Variants in SHANK1 observed in about 807,000 individuals in gnomAD.
SHANK1 encodes the protein SH3 and multiple ankyrin repeat domains 1, also known as SH3 and multiple ankyrin repeat domains protein 1.
SHANK1 carries 35 observed loss-of-function variants against 165.6 expected under a neutral mutation model. That is an observed-to-expected ratio of 0.21 (90% CI 0.16 to 0.28). The LOEUF is 0.28. Ranked by LOEUF, SHANK1 falls within the 10% of genes least tolerant of loss-of-function variation. The pLI, the probability that SHANK1 is intolerant of heterozygous loss-of-function variation, is 1.00. For synonymous variants in SHANK1, 1,428 were observed against 1,384.8 expected (o/e 1.03, Z -0.69); for missense variants, 2,681 against 3,036.4 (o/e 0.88, Z 2.75).
rs1203205134 is a variant in SHANK1, at chr19:50,660,814, G to A, written c.*1151C>T. Among the ~76,000 whole-genome samples the A allele has an allele frequency of 1.3e-5, 2 of 150,514 alleles. No individual in the cohort carries two copies. Among genetic ancestry groups the A allele is most frequent in the South Asian group, 4.2e-4 (2 of 4,762 alleles). Reference sequence around the variant, plus strand: ...AGGGCAAAGATTTCAAACAGAAAGGGGCAAGGGAGTGGGAGCCTGGCAAAG... The same window carrying A: ...AGGGCAAAGATTTCAAACAGAAAGGAGCAAGGGAGTGGGAGCCTGGCAAAG... On this transcript the variant is annotated 3_prime_UTR_variant, in exon 24 of 24. Coordinates refer to ENST00000293441, the MANE Select transcript of SHANK1 (RefSeq NM_016148.5).
At position 50,686,799 on chromosome 19, in the gene SHANK1, C is replaced by T. The variant is rs1420736664; in HGVS notation, c.2403G>A (p.Gln801=). 6.2e-7 allele frequency: 1 copy of T among 1,613,802 alleles called. No homozygotes were observed. Among genetic ancestry groups the T allele is most frequent in the African/African-American group, 1.3e-5 (1 of 75,016 alleles). ...TCTCCATGCTGGGCACCGGCGCCGGCTGCTGCTCGTACTCTGTGGGCAAAG... is the reference window on the plus strand; with the variant it reads ...TCTCCATGCTGGGCACCGGCGCCGGTTGCTGCTCGTACTCTGTGGGCAAAG... ...SELEEMEYEQ[Q]PAPVPSMEKK... The change falls in exon 20 of 24, where the codon CAG becomes CAA. Residue 801 remains glutamine (Q), a synonymous_variant. Coordinates refer to ENST00000293441, the MANE Select transcript of SHANK1 (RefSeq NM_016148.5). The surrounding 1 kb of genome is among the most constrained non-coding windows in gnomAD (Gnocchi z 5.7).
rs1371113973 is a variant in SHANK1 at position 50,704,510 on chromosome 19, G to C, written c.1082C>G (p.Thr361Ser). 1 of 1,613,962 alleles carries C rather than the reference G, an allele frequency of 6.2e-7. No homozygotes were observed. Among genetic ancestry groups the C allele is most frequent in the East Asian group, 2.2e-5 (1 of 44,882 alleles). ...LHICALYNKE[T>S]CARILLYRGA... ...TCGATACAGGAGGATCCTGGCACAG[G>C]TCTCCTGCGGGTAATGGCCAGTGGC... Residue 361 changes from threonine (T) to serine (S), a missense_variant, in exon 9 of 24, where the codon ACC becomes AGC. Coordinates refer to ENST00000293441, the MANE Select transcript of SHANK1 (RefSeq NM_016148.5).
In SHANK1 at chr19:50,660,711, A is replaced by G. The variant is rs1441128824; in HGVS notation, c.*1254T>C. On this transcript the variant is annotated 3_prime_UTR_variant, in exon 24 of 24. Transcript: ENST00000293441. ...GGGAGAAACAAGGCTTCCGGAGAGC[A>G]CTGAAAATGCTGGGGGGGGGGGCGC... is the stretch of plus-strand genomic sequence containing the variant. Among the ~76,000 whole-genome samples, 2 of 115,192 alleles carry G rather than the reference A, an allele frequency of 1.7e-5. No homozygotes were observed. Among genetic ancestry groups the G allele is most frequent in the Admixed American group, 8.7e-5 (1 of 11,436 alleles). 75.6% of individuals were successfully genotyped at this position (115,192 alleles called of 152,430 possible).
intron 23 of SHANK1, among the ~76,000 whole-genome samples, chr19:50,664,418 C>T (rs748375141): frequency 4.4e-4 from 67 of 152,216 alleles, no homozygotes; most frequent in Non-Finnish European, 4.3e-4. Flanking sequence ...TATTTCCCCA[C>T]GTAGAAGTTG....
intron 21 of SHANK1, among the ~76,000 whole-genome samples, chr19:50,673,459 C>A (rs966784283): frequency 6.6e-6 from 1 of 152,160 alleles, no homozygotes; most frequent in Non-Finnish European, 1.5e-5. Flanking sequence ...CTCTCGGCAA[C>A]AGCTTTCCCT....
At position 50,687,640 on chromosome 19, in the gene SHANK1, C is replaced by T. The variant is rs1292697016; in HGVS notation, c.2331G>A (p.Leu777=). The change falls in exon 19 of 24, where the codon CTG becomes CTA. Residue 777 remains leucine (L), a synonymous_variant. Coordinates refer to ENST00000293441, the MANE Select transcript of SHANK1 (RefSeq NM_016148.5). ...HKKAPQQAKR[L]PPPTISLRSK... ...AACGCAGGGAGATGGTTGGGGGCGG[C>T]AGCCGCTTGGCCTGCTGGGGTGCTG... 3 of 1,516,664 alleles carry T rather than the reference C, an allele frequency of 2.0e-6. No individual in the cohort carries two copies. Among genetic ancestry groups the T allele is most frequent in the Middle Eastern group, 1.7e-4 (1 of 5,802 alleles). The allele number at this position is 1,516,664 out of a possible 1,614,324, so 94.0% of individuals were successfully genotyped here. A position where few individuals can be genotyped will look rare whatever the true frequency, so the allele number is the denominator to read the frequency against.
intron 19 of SHANK1, among the ~76,000 whole-genome samples, chr19:50,687,269 A>C (rs1235393495): frequency 2.7e-5 from 4 of 149,304 alleles, no homozygotes; most frequent in Non-Finnish European, 5.9e-5. Flanking sequence ...TGGTGGAGGG[A>C]GAGATGTTGA....
At chr19:50,671,284 C>T (rs1010760607) in intron 22 of SHANK1, among the ~76,000 whole-genome samples, 5 of 140,480 alleles carry the variant, frequency 3.6e-5, no homozygotes, top group Non-Finnish European at 6.1e-5. Context: ...TCCGGGTTCA[C>T]GCCATTCTCC....
At chr19:50,684,382 C>T (rs1027536459) in intron 21 of SHANK1, among the ~76,000 whole-genome samples, 2 of 152,178 alleles carry the variant, frequency 1.3e-5, no homozygotes, top group Middle Eastern at 3.2e-3. Context: ...CATGCCACCA[C>T]ATCCGGCCAA....
chr19:50,678,374 G>C (rs1451292060), intron 21 of SHANK1, among the ~76,000 whole-genome samples: 1 of 152,052 alleles, frequency 6.6e-6, no homozygotes, highest in East Asian at 1.9e-4. Context: ...ACAGCTGGGA[G>C]GAGGGGAGGA....
Position 50,686,820 on chromosome 19 carries a change from C to T in SHANK1, c.2390-8G>A. 6.2e-7 allele frequency: 1 copy of T among 1,613,530 alleles called. No homozygotes were observed. The highest frequency in any genetic ancestry group is 2.2e-5 in the East Asian group (1 of 44,814). ...CCGGCTGCTGCTCGTACTCTGTGGG[C>T]AAAGAACACGGATGACGCCCAGGGA... On this transcript the variant is annotated splice_region_variant and splice_polypyrimidine_tract_variant and intron_variant, in intron 19 of 23. Coordinates refer to ENST00000293441, the MANE Select transcript of SHANK1 (RefSeq NM_016148.5). This position sits in a 1 kb window ranked among gnomAD's most constrained non-coding sequence, Gnocchi z 5.7.
rs1985103621 is a variant in SHANK1, at chr19:50,659,562, T to TC, written c.*2402dup. On this transcript the variant is annotated 3_prime_UTR_variant, in exon 24 of 24. Transcript: ENST00000293441. ...CTCATCCGCCCCCCTCCTCTTCCCCTCCCACCCCCCCTTGGAAGACAATTC... is the reference window on the plus strand; with the variant it reads ...CTCATCCGCCCCCCTCCTCTTCCCCTCCCCACCCCCCCTTGGAAGACAATTC... Among the ~76,000 whole-genome samples, 25 of 29,688 alleles carry TC rather than the reference T, an allele frequency of 8.4e-4. No homozygotes were observed. The highest frequency in any genetic ancestry group is 1.6e-3 in the Non-Finnish European group (22 of 14,078). The allele number at this position is 29,688 out of a possible 152,430, so 19.5% of individuals were successfully genotyped here. A position where few individuals can be genotyped will look rare whatever the true frequency, so the allele number is the denominator to read the frequency against.
chr19:50,715,539 G>T (rs1167891263), intron 4 of SHANK1, 120 bp downstream of exon 4: 4 of 888,268 alleles, frequency 4.5e-6, no homozygotes, highest in Non-Finnish European at 7.5e-6. Context: ...GTGGCCAGAG[G>T]GATCGCTGGC....
chr19:50,705,169 C>T (rs546761943), intron 8 of SHANK1, among the ~76,000 whole-genome samples: 5 of 149,880 alleles, frequency 3.3e-5, no homozygotes, highest in Middle Eastern at 3.6e-3. Flanking sequence ...GGTGAAACCC[C>T]GTCTCTATCA....
In SHANK1 at chr19:50,702,507, G is replaced by T. The variant is rs1054681436; in HGVS notation, c.1707C>A (p.Ala569=). ...FMAVKSYQAQ[A]EGEISLSKGE... is the part of the protein sequence containing the mutation. ...CCTTGCTCAGGGAGATCTCCCCCTC[G>T]GCTTGGGCCTGGTAGGACTTCACAG... Residue 569 remains alanine (A), a synonymous_variant, in exon 12 of 24, where the codon GCC becomes GCA. Coordinates refer to ENST00000293441, the MANE Select transcript of SHANK1 (RefSeq NM_016148.5). The surrounding 1 kb of genome is among the most constrained non-coding windows in gnomAD (Gnocchi z 5.3). 1.2e-6 allele frequency: 2 copies of T among 1,613,198 alleles called. No homozygotes were observed. The highest frequency in any genetic ancestry group is 1.3e-5 in the African/African-American group (1 of 75,014).
intron 15 of SHANK1, among the ~76,000 whole-genome samples, chr19:50,696,531 GGA>G (rs1286534245): frequency 6.6e-6 from 1 of 152,058 alleles, no homozygotes; most frequent in Non-Finnish European, 1.5e-5. Flanking sequence ...GAGCAGTGGA[GGA>G]GAGTGTCATA....
intron 15 of SHANK1, among the ~76,000 whole-genome samples, chr19:50,695,451 C>G (rs1369713867): frequency 4.8e-5 from 2 of 41,614 alleles, no homozygotes; most frequent in African/African-American, 2.0e-4. Context: ...GCCCCCTTGG[C>G]GGGAGAAGGG....
At chr19:50,664,761 C>CT (rs888653245) in intron 23 of SHANK1, among the ~76,000 whole-genome samples, 36 of 148,962 alleles carry the variant, frequency 2.4e-4, no homozygotes, top group Admixed American at 5.3e-4. Flanking sequence ...TTGTTAATAA[C>CT]TTTTTTTTTT....
At chr19:50,681,942 C>T (rs3859445) in intron 21 of SHANK1, among the ~76,000 whole-genome samples, 1,654 of 152,098 alleles carry the variant, frequency 0.011, 28 homozygotes, top group Middle Eastern at 0.024. Flanking sequence ...CAGGGTCTCA[C>T]TATGTTGCCC....
Sources: gnomAD v4.1 joint callset for allele counts (sites outside exome capture counted in the v4.1 genomes callset) on GRCh38, gnomAD v4.1.1 for gene constraint, Gnocchi (gnomAD v3.1) non-coding constraint, MANE v1.5 for transcripts, NCBI Gene and HGNC (gene_info 2026-07-23, HGNC 2026-07-21) for gene names.